Variants in LINGO2 observed in about 807,000 individuals in gnomAD.
LINGO2 encodes leucine rich repeat and Ig domain containing 2, also known as leucine-rich repeat and immunoglobulin-like domain-containing nogo receptor-interacting protein 2.
In LINGO2, 14 loss-of-function variants were observed where a neutral mutation model predicts 30.6. That is an observed-to-expected ratio of 0.46 (90% confidence interval 0.30 to 0.72). The LOEUF (loss-of-function observed/expected upper bound fraction) is 0.72. Ranked by LOEUF, LINGO2 falls within the 30% of genes least tolerant of loss-of-function variation. The probability of loss-of-function intolerance (pLI) is 0.07; values close to 1 mark genes in which losing one functional copy is unlikely to be tolerated. For synonymous variants in LINGO2, 317 were observed against 288.5 expected (o/e 1.10, Z -1.00); for missense variants, 729 against 751.7 (o/e 0.97, Z 0.35).
the LINGO2 span, among the ~76,000 whole-genome samples, chr9:28,691,366 A>T: frequency 2.0e-5 from 3 of 152,188 alleles, no homozygotes; most frequent in Non-Finnish European, 2.9e-5. Flanking sequence ...ACTGGTTGAA[A>T]CAAAACTATT....
the LINGO2 span, among the ~76,000 whole-genome samples, chr9:28,915,770 T>A: frequency 6.6e-6 from 1 of 152,148 alleles, no homozygotes; most frequent in Admixed American, 6.6e-5. Flanking sequence ...TTTACCAAGA[T>A]AAATAAGATA....
chr9:28,355,427 G>T (rs953781472), intron 3 of LINGO2, among the ~76,000 whole-genome samples: 1 of 138,492 alleles, frequency 7.2e-6, no homozygotes, highest in Admixed American at 7.5e-5. Flanking sequence ...CCTTGGAAAA[G>T]TTTTTTCCCC....
intron 5 of LINGO2, among the ~76,000 whole-genome samples, chr9:27,979,288 T>A (rs1484255024): frequency 6.6e-6 from 1 of 152,004 alleles, no homozygotes; most frequent in Non-Finnish European, 1.5e-5. Context: ...TACTTCCATC[T>A]TACTGGTCCT....
chr9:28,205,473 C>A (rs913754543), intron 4 of LINGO2, among the ~76,000 whole-genome samples: 1 of 152,150 alleles, frequency 6.6e-6, no homozygotes, highest in Non-Finnish European at 1.5e-5. Flanking sequence ...TAATACTTAT[C>A]AACACCTGAT....
the LINGO2 span, among the ~76,000 whole-genome samples, chr9:28,843,578 C>T: frequency 4.6e-5 from 7 of 151,460 alleles, no homozygotes; most frequent in East Asian, 1.9e-4. Flanking sequence ...AGAGTGTTAA[C>T]GAAAGAAAAT....
intron 1 of LINGO2, among the ~76,000 whole-genome samples, chr9:28,657,135 A>G (rs1828380240): frequency 6.6e-6 from 1 of 152,036 alleles, no homozygotes; most frequent in African/African-American, 2.4e-5. Context: ...AATGTGAGAT[A>G]AGTGTTTTGT....
the LINGO2 span, among the ~76,000 whole-genome samples, chr9:29,055,638 T>C: frequency 6.6e-6 from 1 of 152,106 alleles, no homozygotes; most frequent in Admixed American, 6.5e-5. Flanking sequence ...TTAGAGGCAA[T>C]TTTTGAGATT....
intron 2 of LINGO2, among the ~76,000 whole-genome samples, chr9:28,432,212 C>A (rs1823707748): frequency 6.6e-6 from 1 of 152,020 alleles, no homozygotes; most frequent in African/African-American, 2.4e-5. Flanking sequence ...AGTTTGTCAT[C>A]TTTTTAAAAA....
chr9:28,209,669 G>T (rs1365737362), intron 4 of LINGO2, among the ~76,000 whole-genome samples: 3 of 151,580 alleles, frequency 2.0e-5, no homozygotes, highest in Non-Finnish European at 4.4e-5. Context: ...GAGGAATTTT[G>T]TATAAGTATA....
intron 1 of LINGO2, among the ~76,000 whole-genome samples, chr9:28,565,180 G>A (rs1823305043): frequency 6.6e-6 from 1 of 152,048 alleles, no homozygotes; most frequent in African/African-American, 2.4e-5. Flanking sequence ...TCATACTGCT[G>A]CTTTAAACTA....
At chr9:29,032,615 C>T in the LINGO2 span, among the ~76,000 whole-genome samples, 15 of 152,146 alleles carry the variant, frequency 9.9e-5, no homozygotes, top group Admixed American at 9.2e-4. Context: ...ATTCAAGCCT[C>T]AGATTCTGTT....
chr9:28,516,373 A>G (rs1820619286), intron 1 of LINGO2, among the ~76,000 whole-genome samples: 2 of 152,198 alleles, frequency 1.3e-5, no homozygotes, highest in South Asian at 2.1e-4. Context: ...TTAAGTTTTA[A>G]CAGATAATTT....
the LINGO2 span, among the ~76,000 whole-genome samples, chr9:29,059,125 G>A: frequency 6.6e-6 from 1 of 151,650 alleles, no homozygotes; most frequent in African/African-American, 2.4e-5. Flanking sequence ...AAATATTTAT[G>A]AGAAAAAATA....
At chr9:28,632,741 T>G (rs537117177) in intron 1 of LINGO2, among the ~76,000 whole-genome samples, 2 of 137,400 alleles carry the variant, frequency 1.5e-5, no homozygotes, top group Non-Finnish European at 3.1e-5. Flanking sequence ...TCTATATATT[T>G]ATATATAGAT....
intron 4 of LINGO2, among the ~76,000 whole-genome samples, chr9:28,033,566 G>A (rs1256971342): frequency 6.6e-6 from 1 of 152,002 alleles, no homozygotes; most frequent in Admixed American, 6.6e-5. Flanking sequence ...ACACCAAAAT[G>A]TCAATTAGGT....
intron 2 of LINGO2, among the ~76,000 whole-genome samples, chr9:28,381,815 T>C (rs1303759144): frequency 1.3e-5 from 2 of 152,092 alleles, no homozygotes; most frequent in African/African-American, 4.8e-5. Flanking sequence ...ACACTACAAT[T>C]TGGGGAAGAT....
chr9:28,051,737 C>T (rs1290621611), intron 4 of LINGO2, among the ~76,000 whole-genome samples: 1 of 152,056 alleles, frequency 6.6e-6, no homozygotes, highest in Admixed American at 6.6e-5. Flanking sequence ...TTTACTGCTT[C>T]TTTCCAATAA....
At chr9:28,346,268 A>G (rs1308728952) in intron 3 of LINGO2, among the ~76,000 whole-genome samples, 2 of 152,088 alleles carry the variant, frequency 1.3e-5, no homozygotes, top group Non-Finnish European at 2.9e-5. Flanking sequence ...TGTTCTCATC[A>G]TTTAGCTCCT....
At chr9:28,043,871 G>A (rs760585890) in intron 4 of LINGO2, among the ~76,000 whole-genome samples, 16 of 152,112 alleles carry the variant, frequency 1.1e-4, no homozygotes, top group African/African-American at 2.2e-4. Context: ...TCAAGTATCC[G>A]TTTAGTCAAT....
Sources: gnomAD v4.1 joint callset for allele counts (sites outside exome capture counted in the v4.1 genomes callset) on GRCh38, gnomAD v4.1.1 for gene constraint, MANE v1.5 for transcripts, NCBI Gene and HGNC (gene_info 2026-07-23, HGNC 2026-07-21) for gene names.